Variants in ASS1 observed in about 807,000 individuals in gnomAD.
ASS1 encodes the protein argininosuccinate synthase 1.
A neutral mutation model predicts 60.5 loss-of-function variants in ASS1; 58 were observed. The ratio of observed to expected loss-of-function variants is 0.96; its 90% CI spans 0.78 to 1.19. The LOEUF is 1.19. Among genes scored for constraint, ASS1 ranks in the 50% most tolerant of loss-of-function variants. ASS1 has a pLI of 0.00. For synonymous variants in ASS1, 200 were observed against 206.9 expected (o/e 0.97, Z 0.29); for missense variants, 454 against 547.3 (o/e 0.83, Z 1.70).
chr9:130,459,916 C>A lies in ASS1; in HGVS notation c.363+1327C>A, dbSNP rs1175249877. On this transcript the variant is annotated intron_variant, in intron 4 of 14. Coordinates refer to ENST00000352480, the MANE Select transcript of ASS1 (RefSeq NM_054012.4). The surrounding 1 kb of genome is among the most constrained non-coding windows in gnomAD (Gnocchi z 4.6). ...GGGTGCAAGACAGGAAGCCCCCTGC[C>A]TGCTGCTCTTCGGAAGGCAGTCCTT... Among the ~76,000 whole-genome samples, 1 of 152,262 alleles carries A rather than the reference C, an allele frequency of 6.6e-6. No individual in the cohort carries two copies. Among genetic ancestry groups the A allele is most frequent in the African/African-American group, 2.4e-5 (1 of 41,470 alleles).
chr9:130,470,682 G>C lies in ASS1; in HGVS notation c.496-152G>C, dbSNP rs1400629934. 1 of 795,432 alleles carries C rather than the reference G, an allele frequency of 1.3e-6. No individual in the cohort carries two copies. The highest frequency in any genetic ancestry group is 2.2e-6 in the Non-Finnish European group (1 of 448,838). The allele number at this position is 795,432 out of a possible 1,614,324, so 49.3% of individuals were successfully genotyped here. A position where few individuals can be genotyped will look rare whatever the true frequency, so the allele number is the denominator to read the frequency against. On this transcript the variant is annotated intron_variant, in intron 6 of 14. Transcript: ENST00000352480. The surrounding 1 kb of genome is among the most constrained non-coding windows in gnomAD (Gnocchi z 4.3). ...TGTCCAGCAATAGGGTCCCCCCAGG[G>C]AGGTGACCGTGACCAACACTAGGAG...
chr9:130,489,385 CG>C lies in ASS1; in HGVS notation c.892del (p.Glu298ArgfsTer18), dbSNP rs770362721. On this transcript the variant is annotated frameshift_variant, in exon 12 of 15. Coordinates refer to ENST00000352480, the MANE Select transcript of ASS1 (RefSeq NM_054012.4). LOFTEE classifies it high-confidence loss of function. The surrounding 1 kb of genome is among the most constrained non-coding windows in gnomAD (Gnocchi z 4.1). ...TILYHAHLDI[E>X]AFTMDREVRK... ...TCCTTTACCATGCTCATTTAGACAT[CG>C]AGGCCTTCACCATGGACCGGGAAGT... 3.3e-5 allele frequency: 53 copies of C among 1,613,864 alleles called. No individual in the cohort carries two copies. The highest frequency in any genetic ancestry group is 4.5e-5 in the Non-Finnish European group (53 of 1,180,020).
intron 4 of ASS1, 77 bp downstream of exon 4, chr9:130,458,666 C>T (rs1179561269): frequency 1.2e-5 from 19 of 1,546,278 alleles, no homozygotes; most frequent in South Asian, 2.4e-5. Flanking sequence ...ACCCCTCGAG[C>T]GGTTTCCTGG....
At chr9:130,467,455 C>T (rs971876327) in intron 6 of ASS1, among the ~76,000 whole-genome samples, 3 of 152,144 alleles carry the variant, frequency 2.0e-5, no homozygotes, top group Admixed American at 6.5e-5. Context: ...AGCAACTCAG[C>T]GCACACACCA....
chr9:130,486,215 C>G (rs537011080), intron 11 of ASS1, among the ~76,000 whole-genome samples: 1 of 152,126 alleles, frequency 6.6e-6, no homozygotes, highest in African/African-American at 2.4e-5. Context: ...CCCACCTTGG[C>G]GTAGTAGCTA....
intron 8 of ASS1, among the ~76,000 whole-genome samples, chr9:130,473,999 C>G (rs884803): frequency 0.15 from 18,259 of 124,090 alleles, 1,828 homozygotes; most frequent in East Asian, 0.27. Context: ...CTTTCGCCCT[C>G]TCCCCCTAGC....
At chr9:130,468,749 T>TG in intron 6 of ASS1, among the ~76,000 whole-genome samples, 1 of 151,956 alleles carries the variant, frequency 6.6e-6, no homozygotes, top group East Asian at 1.9e-4. Flanking sequence ...AATTTTTAAA[T>TG]TTTTTTTTGT....
At chr9:130,454,504 C>T (rs1386419695) in intron 3 of ASS1, 131 bp downstream of exon 3, 17 of 1,009,730 alleles carry the variant, frequency 1.7e-5, no homozygotes, top group Non-Finnish European at 2.4e-5. Context: ...TGAGATCATC[C>T]TGCTCTCAGG....
intron 13 of ASS1, among the ~76,000 whole-genome samples, chr9:130,496,404 C>T (rs143820253): frequency 6.6e-6 from 1 of 151,806 alleles, no homozygotes; most frequent in Admixed American, 6.6e-5. Flanking sequence ...CTGGGCAACA[C>T]AGCAAAACCC....
At chr9:130,448,228 G>A (rs565442569) in intron 1 of ASS1, among the ~76,000 whole-genome samples, 1 of 152,026 alleles carries the variant, frequency 6.6e-6, no homozygotes, top group Non-Finnish European at 1.5e-5. Flanking sequence ...CAACGCTGCT[G>A]TCTGATTGCA....
chr9:130,472,667 C>G (rs1845898731), intron 8 of ASS1, among the ~76,000 whole-genome samples: 1 of 152,182 alleles, frequency 6.6e-6, no homozygotes. Context: ...GCTGATGGCC[C>G]CTGTGTGTGG....
chr9:130,479,110 C>G (rs533894375), intron 9 of ASS1, among the ~76,000 whole-genome samples: 1,931 of 152,102 alleles, frequency 0.013, 23 homozygotes, highest in Non-Finnish European at 0.018. Context: ...CTGCCCCCAC[C>G]CAACCCCTTC....
intron 11 of ASS1, among the ~76,000 whole-genome samples, chr9:130,480,866 TG>T (rs1378839743): frequency 6.6e-6 from 1 of 152,088 alleles, no homozygotes; most frequent in Admixed American, 6.5e-5. Context: ...CTGCCAGGGG[TG>T]GGCGCTGTGG....
intron 4 of ASS1, 42 bp downstream of exon 4, chr9:130,458,631 G>A (rs745469287): frequency 1.5e-5 from 24 of 1,594,954 alleles, no homozygotes; most frequent in Non-Finnish European, 2.0e-5. Context: ...AGATGGAGGC[G>A]GAGGGGTGTG....
chr9:130,454,470 T>C, intron 3 of ASS1, 97 bp downstream of exon 3: 1 of 1,258,252 alleles, frequency 7.9e-7, no homozygotes. Flanking sequence ...TCCCTTCCAG[T>C]GTGTCTTCTT....
Position 130,488,525 on chromosome 9 carries a change from C to T in ASS1, c.839-808C>T, listed in dbSNP as rs370101575. Among the ~76,000 whole-genome samples the T allele has an allele frequency of 3.3e-5, 5 of 152,246 alleles. No homozygotes were observed. The East Asian group carries it at 9.6e-4, about 29-fold the overall frequency. On this transcript the variant is annotated intron_variant, in intron 11 of 14. Coordinates refer to ENST00000352480, the MANE Select transcript of ASS1 (RefSeq NM_054012.4). This position sits in a 1 kb window ranked among gnomAD's most constrained non-coding sequence, Gnocchi z 5.2. ...CAGTAGGACCTTCCCCCAGACCCAG[C>T]TCAGCCCAAGACCAGGCATTTCTGT...
In ASS1 at chr9:130,501,189, T is replaced by C. The variant is rs1030491434; in HGVS notation, c.*168T>C. The stretch of plus-strand genomic sequence containing the variant: ...CTGGTCCCCCTGAAGCCTGCAAACG[T>C]TGTCATCGAAGGGAAGGGTGGGGGG... On this transcript the variant is annotated 3_prime_UTR_variant, in exon 15 of 15. Transcript: ENST00000352480. The C allele has an allele frequency of 2.7e-6, 2 of 731,950 alleles. No individual in the cohort carries two copies. The highest frequency in any genetic ancestry group is 2.6e-5 in the East Asian group (1 of 38,674). 45.3% of individuals were successfully genotyped at this position (731,950 alleles called of 1,614,324 possible). A position where few individuals can be genotyped will look rare whatever the true frequency, so the allele number is the denominator to read the frequency against.
intron 12 of ASS1, among the ~76,000 whole-genome samples, chr9:130,490,658 A>G (rs1846427533): frequency 6.6e-6 from 1 of 152,178 alleles, no homozygotes; most frequent in African/African-American, 2.4e-5. Context: ...AAATTTTTTA[A>G]TGCTATTTCA....
intron 13 of ASS1, among the ~76,000 whole-genome samples, chr9:130,495,926 G>C (rs543694266): frequency 5.9e-5 from 9 of 152,126 alleles, no homozygotes; most frequent in Non-Finnish European, 1.2e-4. Flanking sequence ...CTTGAGGAAG[G>C]ATCATGCATT....
Sources: gnomAD v4.1 joint callset for allele counts (sites outside exome capture counted in the v4.1 genomes callset) on GRCh38, gnomAD v4.1.1 for gene constraint, Gnocchi (gnomAD v3.1) non-coding constraint, MANE v1.5 for transcripts, NCBI Gene and HGNC (gene_info 2026-07-23, HGNC 2026-07-21) for gene names.